The following SGSM1 variants were observed in gnomAD, a reference collection of about 807,000 sequenced individuals.
The protein encoded by SGSM1 is RUN and TBC1 domain containing 2.
SGSM1 carries 73 observed loss-of-function variants against 133.8 expected under a neutral mutation model. The ratio of observed to expected loss-of-function variants is 0.55; its 90% CI spans 0.45 to 0.66. The LOEUF is 0.66. Ranked by LOEUF, SGSM1 falls within the 30% of genes least tolerant of loss-of-function variation. The probability of loss-of-function intolerance (pLI) is 0.00; values close to 1 mark genes in which losing one functional copy is unlikely to be tolerated. For synonymous variants in SGSM1, 563 were observed against 573.0 expected (o/e 0.98, Z 0.25); for missense variants, 1,213 against 1,448.1 (o/e 0.84, Z 2.64).
intron 16 of SGSM1, among the ~76,000 whole-genome samples, chr22:24,889,780 GCTGGGACTACAGGCGCCCGCCACCATGC>G (rs2123685433): frequency 6.7e-6 from 1 of 149,882 alleles, no homozygotes; most frequent in Non-Finnish European, 1.5e-5. Context: ...CTCCCAAATA[GCTGGGACTACAGGCGCCCGCCACCATGC>G]CTGGCTAATT....
chr22:24,842,332 C>G (rs1286645737), intron 2 of SGSM1, among the ~76,000 whole-genome samples: 1 of 152,188 alleles, frequency 6.6e-6, no homozygotes, highest in Non-Finnish European at 1.5e-5. Context: ...TGACCCCAGA[C>G]AGATTACTCC....
At chr22:24,882,906 C>CT (rs1250395242) in intron 14 of SGSM1, among the ~76,000 whole-genome samples, 71 of 139,274 alleles carry the variant, frequency 5.1e-4, no homozygotes, top group Admixed American at 3.2e-3. Context: ...TTTTTTCTTT[C>CT]TTTTTTTTTG....
At chr22:24,814,972 C>T (rs961479945) in intron 2 of SGSM1, among the ~76,000 whole-genome samples, 6 of 152,198 alleles carry the variant, frequency 3.9e-5, no homozygotes, top group African/African-American at 1.4e-4. Context: ...GCTCAGAGTC[C>T]CTGGTGACTT....
chr22:24,851,439 G>C (rs1569147591), intron 5 of SGSM1, among the ~76,000 whole-genome samples: 4 of 139,042 alleles, frequency 2.9e-5, no homozygotes, highest in African/African-American at 1.2e-4. Flanking sequence ...GAAGGGAGGG[G>C]GGGGTGGGGG....
At chr22:24,875,085 A>G (rs557794766) in intron 12 of SGSM1, among the ~76,000 whole-genome samples, 1 of 152,162 alleles carries the variant, frequency 6.6e-6, no homozygotes, top group African/African-American at 2.4e-5. Flanking sequence ...GAGCAGTTCC[A>G]CAACTCTCCC....
At position 24,854,022 on chromosome 22, in the gene SGSM1, A is replaced by G. The variant is rs1221211251; in HGVS notation, c.456-974A>G. Among the ~76,000 whole-genome samples, 5 of 152,120 alleles carry G rather than the reference A, an allele frequency of 3.3e-5. No individual in the cohort carries two copies. The East Asian group carries it at 9.7e-4, about 29-fold the overall frequency. On this transcript the variant is annotated intron_variant, in intron 5 of 24. Coordinates refer to ENST00000400358, the MANE Select transcript of SGSM1 (RefSeq NM_001098497.3). ...TCTCGTGAGACTTAGTCACTATCAC[A>G]AGAATAGCATGGGAAATACCAGCCC...
At chr22:24,909,847 T>G (rs574905479) in intron 21 of SGSM1, among the ~76,000 whole-genome samples, 134 of 152,314 alleles carry the variant, frequency 8.8e-4, no homozygotes, top group African/African-American at 3.1e-3. Context: ...CGTAGATATA[T>G]GCCTAAGAGA....
intron 13 of SGSM1, among the ~76,000 whole-genome samples, chr22:24,877,428 C>T (rs1932078588): frequency 6.6e-6 from 1 of 152,096 alleles, no homozygotes; most frequent in South Asian, 2.1e-4. Flanking sequence ...AGCTCATCTT[C>T]TGTTTGCCCA....
chr22:24,893,229 G>A (rs77491390), intron 16 of SGSM1, among the ~76,000 whole-genome samples: 2,783 of 152,248 alleles, frequency 0.018, 76 homozygotes, highest in African/African-American at 0.063. Flanking sequence ...AGGGAAATAA[G>A]GAAAGAAGTA....
chr22:24,875,283 A>G (rs1338859738), intron 12 of SGSM1, among the ~76,000 whole-genome samples: 1 of 152,244 alleles, frequency 6.6e-6, no homozygotes, highest in African/African-American at 2.4e-5. Flanking sequence ...CAATTTTTAA[A>G]TGATCCAAAA....
intron 16 of SGSM1, among the ~76,000 whole-genome samples, chr22:24,887,037 G>A (rs540212985): frequency 6.6e-6 from 1 of 151,582 alleles, no homozygotes; most frequent in Non-Finnish European, 1.5e-5. Flanking sequence ...GTAAAATATC[G>A]GAACCAGAAG....
At chr22:24,864,877 C>T (rs1931360268) in intron 9 of SGSM1, among the ~76,000 whole-genome samples, 2 of 152,194 alleles carry the variant, frequency 1.3e-5, no homozygotes, top group Admixed American at 1.3e-4. Context: ...GAGAAACAGC[C>T]CTTGCTCCTT....
In SGSM1 at chr22:24,809,304, A is replaced by G. The variant is rs561862251; in HGVS notation, c.63+2820A>G. Among the ~76,000 whole-genome samples, 3 of 152,346 alleles carry G rather than the reference A, an allele frequency of 2.0e-5. No individual in the cohort carries two copies. The East Asian group carries it at 5.8e-4, about 29-fold the overall frequency. On this transcript the variant is annotated intron_variant, in intron 2 of 24. Coordinates refer to ENST00000400358, the MANE Select transcript of SGSM1 (RefSeq NM_001098497.3). ...TCCCTCCTCCCCACTCTCTGGGTTC[A>G]AAGGAGCCACATCTCTGCCTGTCAC...
chr22:24,822,729 G>A (rs1928555294), intron 2 of SGSM1, among the ~76,000 whole-genome samples: 1 of 152,118 alleles, frequency 6.6e-6, no homozygotes, highest in Admixed American at 6.5e-5. Flanking sequence ...GTGATGTTTG[G>A]TTTCAGAGGG....
At position 24,926,006 on chromosome 22, in the gene SGSM1, T is replaced by C. The variant is rs1209353975; in HGVS notation, c.*1732T>C. 1 of 152,240 alleles carries C rather than the reference T, an allele frequency of 6.6e-6. No individual in the cohort carries two copies. The highest frequency in any genetic ancestry group is 1.9e-4 in the East Asian group (1 of 5,188). 9.4% of individuals were successfully genotyped at this position (152,240 alleles called of 1,614,324 possible). ...CAGCAAGCAGCAGAGAGAAAGGCTC[T>C]TCCCGGGAGACCTGCCGCCTCTAGG... On this transcript the variant is annotated 3_prime_UTR_variant, in exon 25 of 25. Coordinates refer to ENST00000400358, the MANE Select transcript of SGSM1 (RefSeq NM_001098497.3).
intron 2 of SGSM1, chr22:24,843,443 C>T (rs1300376207): frequency 6.6e-6 from 1 of 152,618 alleles, no homozygotes; most frequent in Non-Finnish European, 1.5e-5. Flanking sequence ...GATGTGCTGG[C>T]CTGGTGGAGT....
intron 2 of SGSM1, among the ~76,000 whole-genome samples, chr22:24,828,835 C>G (rs1447437615): frequency 6.6e-6 from 1 of 152,186 alleles, no homozygotes; most frequent in Non-Finnish European, 1.5e-5. Flanking sequence ...AAATGCCCAT[C>G]AGTGGTAGAC....
rs1376476995 is a variant in SGSM1, at chr22:24,867,076, C to G, written c.927-17C>G. On this transcript the variant is annotated splice_polypyrimidine_tract_variant and intron_variant, in intron 9 of 24. Coordinates refer to ENST00000400358, the MANE Select transcript of SGSM1 (RefSeq NM_001098497.3). ...TAGGCAGAAGTCCTGCAAGCCTGACCCTCCGTCCGCTTCCAGCGTCTACTG... is the reference window on the plus strand; with the variant it reads ...TAGGCAGAAGTCCTGCAAGCCTGACGCTCCGTCCGCTTCCAGCGTCTACTG... The G allele has an allele frequency of 1.2e-6, 2 of 1,612,572 alleles. No homozygotes were observed. The highest frequency in any genetic ancestry group is 3.3e-5 in the Admixed American group (2 of 59,858).
At chr22:24,875,672 AAAAG>A (rs1041447613) in intron 12 of SGSM1, among the ~76,000 whole-genome samples, 4 of 152,122 alleles carry the variant, frequency 2.6e-5, no homozygotes, top group African/African-American at 9.7e-5. Flanking sequence ...AGAAAAAAGA[AAAAG>A]AAAATAAAGC....
Sources: allele counts gnomAD v4.1 joint callset (sites outside exome capture counted in the v4.1 genomes callset), GRCh38; gene constraint gnomAD v4.1.1; transcripts MANE v1.5; gene names NCBI Gene and HGNC (gene_info 2026-07-23, HGNC 2026-07-21).